The following TTC3 variants were observed in gnomAD, a reference collection of about 807,000 sequenced individuals.
The protein encoded by TTC3 is E3 ubiquitin-protein ligase TTC3.
Under a neutral mutation model 249.6 loss-of-function variants are expected in TTC3, and 180 were observed. That is an observed-to-expected ratio of 0.72 (90% CI 0.64 to 0.82). TTC3 has a LOEUF of 0.82. TTC3 is among the 40% of genes least tolerant of loss of function. The pLI is 0.00. For synonymous variants in TTC3, 717 were observed against 805.0 expected, an observed-to-expected ratio of 0.89 and a Z score of 1.85; for missense variants, 2,061 against 2,398.4, an observed-to-expected ratio of 0.86 and a Z score of 2.94.
chr21:37,148,475 T>C (rs1268909908), intron 22 of TTC3, 71 bp from the exon 23 acceptor site: 6 of 677,034 alleles, frequency 8.9e-6, no homozygotes, highest in Non-Finnish European at 1.4e-5. Flanking sequence ...TCTGTCTTTA[T>C]GTATGTTGTA....
At chr21:37,096,558 A>G in intron 9 of TTC3, 23 bp from the exon 10 acceptor site, 3 of 1,578,138 alleles carry the variant, frequency 1.9e-6, no homozygotes, top group Admixed American at 1.7e-5. Flanking sequence ...TGCTTTACTG[A>G]CTAAACATTG....
Position 37,195,955 on chromosome 21 carries a change from C to CT in TTC3, c.5499dup (p.Ala1834CysfsTer13), listed in dbSNP as rs1320284302. ...AAGCAGCCTGTTCCTCCAGGACGTG[C>CT]TGCGCGTTCAAGCCAGTCTCCAAAA... is the stretch of plus-strand genomic sequence containing the variant. On this transcript the variant is annotated frameshift_variant, in exon 42 of 46. Coordinates refer to ENST00000355666, the Ensembl canonical transcript of TTC3. LOFTEE classifies it high-confidence loss of function. The CT allele has an allele frequency of 1.2e-6, 2 of 1,614,088 alleles. No homozygotes were observed. Among genetic ancestry groups the CT allele is most frequent in the African/African-American group, 2.7e-5 (2 of 74,936 alleles).
At chr21:37,138,774 T>TGAGAAAA in intron 19 of TTC3, 60 bp downstream of exon 19, 1 of 1,233,444 alleles carries the variant, frequency 8.1e-7, no homozygotes, top group Non-Finnish European at 1.1e-6. Flanking sequence ...CTTATAAAAA[T>TGAGAAAA]TATTTTCTCA....
At chr21:37,188,272 A>G (rs2083535636) in intron 38 of TTC3, 1 of 435,182 alleles carries the variant, frequency 2.3e-6, no homozygotes, top group African/African-American at 2.0e-5. Flanking sequence ...CATATCTGCA[A>G]AAAGGATCAT....
intron 28 of TTC3, among the ~76,000 whole-genome samples, chr21:37,157,439 C>T (rs1377302319): frequency 6.6e-6 from 1 of 152,162 alleles, no homozygotes; most frequent in East Asian, 1.9e-4. Context: ...AATGCTTACA[C>T]TTGTCTCTGC....
chr21:37,198,103 A>C, intron 44 of TTC3, 78 bp downstream of exon 44: 1 of 1,459,424 alleles, frequency 6.9e-7, no homozygotes, highest in South Asian at 1.5e-5. Flanking sequence ...ATTTAGCCCC[A>C]TTCATTTCTA....
At chr21:37,087,524 T>A in intron 2 of TTC3, 123 bp downstream of exon 2, 2 of 1,226,916 alleles carry the variant, frequency 1.6e-6, no homozygotes, top group East Asian at 4.7e-5. Flanking sequence ...CACATGCTGT[T>A]GAAAAGTTGA....
At chr21:37,088,922 G>T in intron 5 of TTC3, 36 bp downstream of exon 5, 1 of 1,575,296 alleles carries the variant, frequency 6.3e-7, no homozygotes, top group South Asian at 1.1e-5. Flanking sequence ...CGAGCCCTTG[G>T]TTTAAATAAT....
intron 11 of TTC3, among the ~76,000 whole-genome samples, chr21:37,113,480 G>A (rs2075856572): frequency 6.6e-6 from 1 of 152,184 alleles, no homozygotes; most frequent in African/African-American, 2.4e-5. Flanking sequence ...ACTTACAAGG[G>A]ATGTGAAGGA....
chr21:37,106,172 T>G (rs1369659001), intron 10 of TTC3, among the ~76,000 whole-genome samples: 3 of 152,222 alleles, frequency 2.0e-5, no homozygotes, highest in Non-Finnish European at 4.4e-5. Flanking sequence ...TTAAGGATGT[T>G]TCAGATTTTC....
At chr21:37,117,052 A>ACTTTC (rs71198850) in intron 11 of TTC3, among the ~76,000 whole-genome samples, 72,667 of 151,428 alleles carry the variant, frequency 0.48, 18,069 homozygotes, top group Non-Finnish European at 0.56. Context: ...TTTTAAATGA[A>ACTTTC]CTTTATATTA....
At chr21:37,138,866 A>G in intron 19 of TTC3, 152 bp downstream of exon 19, 1 of 490,804 alleles carries the variant, frequency 2.0e-6, no homozygotes, top group Non-Finnish European at 3.4e-6. Context: ...TTTTTAAAGA[A>G]TATTTAGTTT....
intron 1 of TTC3, among the ~76,000 whole-genome samples, chr21:37,078,333 A>C (rs1481377845): frequency 6.6e-6 from 1 of 152,172 alleles, no homozygotes; most frequent in Non-Finnish European, 1.5e-5. Context: ...AGCTTGTTAC[A>C]TGACATGAAA....
At position 37,166,377 on chromosome 21, in the gene TTC3, A is replaced by C. The variant is rs773106309; in HGVS notation, c.4163A>C (p.His1388Pro). 15 of 1,614,108 alleles carry C rather than the reference A, an allele frequency of 9.3e-6. No homozygotes were observed. The Admixed American group carries it at 2.5e-4, about 27-fold the overall frequency. Residue 1388 changes from histidine to proline, a missense_variant, in exon 33 of 46, where the codon CAT (histidine) becomes CCT (proline). His to Pro is a moderately conservative substitution (Grantham distance 77). Coordinates refer to ENST00000355666, the Ensembl canonical transcript of TTC3. ...AATGCTGCTGCCTATTTTGAGGGTC[A>C]TCATTTGAATGCTGAGAATGTTGCT...
At position 37,123,858 on chromosome 21, in the gene TTC3, C is replaced by T. The variant is rs1009545505; in HGVS notation, c.1110-761C>T. 3.3e-5 allele frequency among the ~76,000 whole-genome samples: 5 copies of T among 151,764 alleles called. No individual in the cohort carries two copies. The East Asian group carries it at 7.7e-4, about 23-fold the overall frequency. On this transcript the variant is annotated intron_variant, in intron 13 of 45. Coordinates refer to ENST00000355666, the Ensembl canonical transcript of TTC3. ...CTGCCTCCCGGGTTCAAGCGATTCT[C>T]CTGCCTCAGCCTCTTGAGTAGCTGG...
At chr21:37,131,475 C>T (rs897221775) in intron 16 of TTC3, among the ~76,000 whole-genome samples, 8 of 152,152 alleles carry the variant, frequency 5.3e-5, no homozygotes, top group Admixed American at 3.3e-4. Context: ...TGAAGCTCCT[C>T]GCGCCCCCCA....
exon 9 of TTC3, chr21:37,095,360 T>C: frequency 1.2e-6 from 2 of 1,604,598 alleles, no homozygotes; most frequent in Non-Finnish European, 1.7e-6. Flanking sequence ...GAAGGAGAAC[T>C]AATGAAAATG....
At position 37,195,817 on chromosome 21, in the gene TTC3, C is replaced by G. The variant is rs1288844339; in HGVS notation, c.5360C>G (p.Pro1787Arg). The G allele has an allele frequency of 6.8e-6, 11 of 1,614,238 alleles. No homozygotes were observed. The East Asian group carries it at 2.2e-4, about 33-fold the overall frequency. ...GCTGGTGATTCCCCAGGGGAGGCTC[C>G]TTCTGCGCTGTTGCCAGGGCCACCC... The change falls in exon 42 of 46, where the codon CCT becomes CGT. Residue 1787 changes from proline (P) to arginine (R), a missense_variant. Pro to Arg is a moderately radical substitution (Grantham distance 103, BLOSUM62 -2). Coordinates refer to ENST00000355666, the Ensembl canonical transcript of TTC3.
exon 46 of TTC3, chr21:37,203,041 G>A (rs564059339): frequency 1.3e-5 from 2 of 152,342 alleles, no homozygotes; most frequent in African/African-American, 4.8e-5. Flanking sequence ...CATAACTTCA[G>A]ATACTTGTGA....
Sources: allele counts gnomAD v4.1 joint callset (sites outside exome capture counted in the v4.1 genomes callset), GRCh38; gene constraint gnomAD v4.1.1; transcripts MANE v1.5; gene names NCBI Gene and HGNC (gene_info 2026-07-23, HGNC 2026-07-21).